YES1: variants seen among roughly 807,000 people sequenced by gnomAD.
YES1 encodes YES proto-oncogene 1, Src family tyrosine kinase.
Under a neutral mutation model 70.4 loss-of-function variants are expected in YES1, and 39 were observed. That is an observed-to-expected ratio of 0.55 (90% confidence interval 0.43 to 0.72). The LOEUF (loss-of-function observed/expected upper bound fraction) is 0.72, where lower values mean the gene tolerates loss of function less well. Among genes scored for constraint, YES1 ranks in the 30% least tolerant of loss-of-function variants. YES1 has a pLI of 0.00. For missense variants in YES1, 495 were observed against 644.8 expected, an observed-to-expected ratio of 0.77 and a Z score of 2.52; for synonymous variants, 198 against 218.6, an observed-to-expected ratio of 0.91 and a Z score of 0.83.
chr18:757,373 G>T (rs950618459), intron 1 of YES1, among the ~76,000 whole-genome samples: 20 of 151,538 alleles, frequency 1.3e-4, no homozygotes, highest in Admixed American at 1.3e-3. Flanking sequence ...CGTGGTGGTG[G>T]GCGCCTGTAG....
intron 1 of YES1, among the ~76,000 whole-genome samples, chr18:806,705 G>A (rs963106721): frequency 1.3e-5 from 2 of 152,220 alleles, no homozygotes; most frequent in African/African-American, 4.8e-5. Flanking sequence ...GGAGAGGTGT[G>A]TTTTGACATA....
intron 1 of YES1, among the ~76,000 whole-genome samples, chr18:777,125 A>T (rs1257381819): frequency 6.6e-6 from 1 of 152,182 alleles, no homozygotes; most frequent in East Asian, 1.9e-4. Context: ...GAGGGAACAA[A>T]GTGGGGTTTT....
At chr18:760,280 G>GT (rs1904520303) in intron 1 of YES1, among the ~76,000 whole-genome samples, 1 of 152,078 alleles carries the variant, frequency 6.6e-6, no homozygotes. Context: ...GACCAGCCTG[G>GT]CCAACATGGT....
intron 1 of YES1, among the ~76,000 whole-genome samples, chr18:791,083 C>CT (rs11412031): frequency 0.33 from 50,060 of 151,410 alleles, 8,664 homozygotes; most frequent in African/African-American, 0.41. Flanking sequence ...AACCCCATCT[C>CT]TATTAAAAAT....
chr18:807,944 C>G (rs1355700061), intron 1 of YES1, among the ~76,000 whole-genome samples: 3 of 152,192 alleles, frequency 2.0e-5, no homozygotes, highest in Non-Finnish European at 4.4e-5. Context: ...TGCAGTCTCA[C>G]AGCTTACTGT....
chr18:762,844 TC>T (rs1425578544), intron 1 of YES1, among the ~76,000 whole-genome samples: 1 of 152,144 alleles, frequency 6.6e-6, no homozygotes, highest in Non-Finnish European at 1.5e-5. Context: ...CATTAAAAGG[TC>T]ACAAATGTAT....
chr18:732,741 T>C (rs1329750633), intron 11 of YES1, 93 bp downstream of exon 11: 2 of 1,525,582 alleles, frequency 1.3e-6, no homozygotes, highest in East Asian at 2.3e-5. Context: ...TGAGAAGAAA[T>C]AAAGGCCTTT....
chr18:786,636 A>C (rs1423617708), intron 1 of YES1, among the ~76,000 whole-genome samples: 2 of 152,128 alleles, frequency 1.3e-5, no homozygotes, highest in African/African-American at 4.8e-5. Flanking sequence ...AATTGATAAT[A>C]TCAATTTCTG....
intron 1 of YES1, among the ~76,000 whole-genome samples, chr18:789,705 TAACATA>T (rs937735787): frequency 6.6e-6 from 1 of 151,774 alleles, no homozygotes; most frequent in African/African-American, 2.4e-5. Context: ...AAAAAGGAAA[TAACATA>T]AACAAATGAG....
rs552389307 is a variant in YES1, at chr18:723,046, C to G, written c.*1378G>C. The G allele has an allele frequency of 6.6e-6, 1 of 152,234 alleles. No individual in the cohort carries two copies. Among genetic ancestry groups the G allele is most frequent in the South Asian group, 2.1e-4 (1 of 4,818 alleles). 9.4% of individuals were successfully genotyped at this position (152,234 alleles called of 1,614,324 possible). ...GGCAGAGCTTGCAGTGAGCCGAGATCGCGCCACTGCACTCCAGCCTGGGCG... is the reference window on the plus strand; with the variant it reads ...GGCAGAGCTTGCAGTGAGCCGAGATGGCGCCACTGCACTCCAGCCTGGGCG... On this transcript the variant is annotated 3_prime_UTR_variant, in exon 12 of 12. Coordinates refer to ENST00000314574, the MANE Select transcript of YES1 (RefSeq NM_005433.4).
intron 1 of YES1, among the ~76,000 whole-genome samples, chr18:760,908 T>A (rs976906199): frequency 6.6e-6 from 1 of 152,164 alleles, no homozygotes; most frequent in Non-Finnish European, 1.5e-5. Flanking sequence ...TGGAATCTGG[T>A]TGACACTCTT....
At chr18:748,253 TTAGTTA>T (rs1203803530) in intron 3 of YES1, among the ~76,000 whole-genome samples, 8 of 152,162 alleles carry the variant, frequency 5.3e-5, no homozygotes, top group African/African-American at 1.4e-4. Context: ...TCCTACACAC[TTAGTTA>T]TAAGATTTCT....
intron 2 of YES1, among the ~76,000 whole-genome samples, chr18:754,010 T>C (rs1378522801): frequency 1.3e-5 from 2 of 152,138 alleles, no homozygotes; most frequent in Non-Finnish European, 1.5e-5. Flanking sequence ...CTAACCCAAG[T>C]CCTTGTCATT....
intron 1 of YES1, among the ~76,000 whole-genome samples, chr18:788,858 A>G (rs2145812210): frequency 6.6e-6 from 1 of 152,202 alleles, no homozygotes; most frequent in East Asian, 1.9e-4. Flanking sequence ...CCCAGGAGGC[A>G]GAGGTTGCAG....
intron 3 of YES1, among the ~76,000 whole-genome samples, chr18:748,639 T>C (rs2080307536): frequency 6.6e-6 from 1 of 152,202 alleles, no homozygotes; most frequent in Admixed American, 6.5e-5. Flanking sequence ...AATATGTGCA[T>C]TTATGTGGTC....
chr18:812,013 A>G (rs749728499), intron 1 of YES1, 101 bp downstream of exon 1: 13 of 136,070 alleles, frequency 9.6e-5, no homozygotes, highest in Non-Finnish European at 1.6e-4. Flanking sequence ...GGGGGCGGGG[A>G]ACCGCGGCGG....
intron 1 of YES1, among the ~76,000 whole-genome samples, chr18:779,347 TA>T: frequency 6.7e-6 from 1 of 148,706 alleles, no homozygotes; most frequent in Admixed American, 6.8e-5. Context: ...AAGGCTGCGG[TA>T]AGTTATGATC....
intron 1 of YES1, among the ~76,000 whole-genome samples, chr18:810,369 A>C (rs1195675757): frequency 6.6e-6 from 1 of 152,188 alleles, no homozygotes; most frequent in African/African-American, 2.4e-5. Context: ...ACACACACAC[A>C]AAAACAGCCC....
rs1347276495 is a variant in YES1 at position 812,219 on chromosome 18, G to C, written c.-114C>G. 1 of 151,990 alleles carries C rather than the reference G, an allele frequency of 6.6e-6. No homozygotes were observed. Among genetic ancestry groups the C allele is most frequent in the Non-Finnish European group, 1.5e-5 (1 of 67,962 alleles). The allele number at this position is 151,990 out of a possible 1,614,324, so 9.4% of individuals were successfully genotyped here. ...TCTCCCTCCTCCACCTCCTCGTCCCGGGGCGCCCGGCGGCAGCAACGACGG... is the reference window on the plus strand; with the variant it reads ...TCTCCCTCCTCCACCTCCTCGTCCCCGGGCGCCCGGCGGCAGCAACGACGG... On this transcript the variant is annotated 5_prime_UTR_variant, in exon 1 of 12. Coordinates refer to ENST00000314574, the MANE Select transcript of YES1 (RefSeq NM_005433.4).
Sources: gnomAD v4.1 joint callset for allele counts (sites outside exome capture counted in the v4.1 genomes callset) on GRCh38, gnomAD v4.1.1 for gene constraint, MANE v1.5 for transcripts, NCBI Gene and HGNC (gene_info 2026-07-23, HGNC 2026-07-21) for gene names.